Variants in CHST7 observed in about 807,000 individuals in gnomAD.
CHST7 encodes N-acetylglucosamine 6-O-sulfotransferase 4.
Under a neutral mutation model 9.0 loss-of-function variants are expected in CHST7, and 5 were observed. The observed-to-expected ratio is 0.56, with a 90% CI of 0.29 to 1.17. The LOEUF (loss-of-function observed/expected upper bound fraction) is 1.17, where lower values mean the gene tolerates loss of function less well. CHST7 is among the 50% of genes most tolerant of loss of function. CHST7 has a pLI of 0.08. For synonymous variants in CHST7, 244 were observed against 237.1 expected (o/e 1.03, Z -0.27); for missense variants, 377 against 485.1 (o/e 0.78, Z 2.09).
rs768457634 is a variant in CHST7 at position 46,574,014 on chromosome X, T to C, written c.83T>C (p.Val28Ala). The C allele has an allele frequency of 5.1e-5, 59 of 1,158,181 alleles. No individual in the cohort carries two copies. The highest frequency in any genetic ancestry group is 5.3e-5 in the Non-Finnish European group (46 of 874,693). Reference protein sequence around the residue: ...LVLYTLVLLLVPSVLDGGRDG... With the variant: ...LVLYTLVLLLAPSVLDGGRDG... ...CTGTACACGCTGGTGCTGTTGCTCG[T>C]CCCCTCCGTATTGGACGGCGGCCGC... The change falls in exon 1 of 2, where the codon GTC becomes GCC. Residue 28 changes from valine (V) to alanine (A), a missense_variant. Physicochemically the swap from Val to Ala is moderately conservative, Grantham distance 64. Coordinates refer to ENST00000276055, the MANE Select transcript of CHST7 (RefSeq NM_019886.4).
intron 1 of CHST7, among the ~76,000 whole-genome samples, chrX:46,597,530 C>T (rs1265191834): frequency 8.9e-6 from 1 of 112,165 alleles, no homozygotes; most frequent in Non-Finnish European, 1.9e-5. Flanking sequence ...GCCATGCTAA[C>T]AGAGGCGCCC....
intron 1 of CHST7, among the ~76,000 whole-genome samples, chrX:46,579,308 TTTG>T (rs777954104): frequency 1.1e-3 from 128 of 112,481 alleles, no homozygotes; most frequent in Non-Finnish European, 2.0e-3. Context: ...CTTCACATGC[TTTG>T]TTGTCTGTAG....
chrX:46,579,949 G>A (rs1480147084), intron 1 of CHST7, among the ~76,000 whole-genome samples: 2 of 110,882 alleles, frequency 1.8e-5, no homozygotes, highest in Admixed American at 1.9e-4. Flanking sequence ...CTGTGATCAC[G>A]CCACTGCGCT....
In CHST7 at chrX:46,575,395, T is replaced by A. The variant is rs1464772511; in HGVS notation, c.*3T>A. On this transcript the variant is annotated 3_prime_UTR_variant, in exon 1 of 2. Coordinates refer to ENST00000276055, the MANE Select transcript of CHST7 (RefSeq NM_019886.4). ...TGGATGCCGACGGCGCCACGTAGCC[T>A]CCCATCCCTGTCCCCGGCACGGATC... 3 of 1,030,569 alleles carry A rather than the reference T, an allele frequency of 2.9e-6. No individual in the cohort carries two copies. The African/African-American group carries it at 5.9e-5, about 20-fold the overall frequency. The allele number at this position is 1,030,569 out of a possible 1,213,427, so 84.9% of individuals were successfully genotyped here. A position where few individuals can be genotyped will look rare whatever the true frequency, so the allele number is the denominator to read the frequency against.
chrX:46,582,511 C>T (rs1389685178), intron 1 of CHST7, among the ~76,000 whole-genome samples: 1 of 111,896 alleles, frequency 8.9e-6, no homozygotes, highest in Non-Finnish European at 1.9e-5. Flanking sequence ...TACAGTTCAT[C>T]TCTGATGATG....
chrX:46,582,948 GTT>G (rs34049715), intron 1 of CHST7, among the ~76,000 whole-genome samples: 101 of 94,224 alleles, frequency 1.1e-3, no homozygotes, highest in East Asian at 3.3e-3. Flanking sequence ...TTTCTAAGAG[GTT>G]TTTTTTTTTT....
intron 1 of CHST7, among the ~76,000 whole-genome samples, chrX:46,581,091 T>C (rs1942522218): frequency 9.5e-6 from 1 of 105,266 alleles, no homozygotes; most frequent in African/African-American, 3.5e-5. Flanking sequence ...AAAAATTAGC[T>C]GGGCATGGTG....
At chrX:46,577,264 G>A (rs1368873453) in intron 1 of CHST7, among the ~76,000 whole-genome samples, 2 of 109,596 alleles carry the variant, frequency 1.8e-5, no homozygotes, top group African/African-American at 3.3e-5. Flanking sequence ...GACAGTGACT[G>A]TGAGGGAAGA....
chrX:46,595,802 G>T (rs1942591157), intron 1 of CHST7, among the ~76,000 whole-genome samples: 1 of 111,010 alleles, frequency 9.0e-6, no homozygotes, highest in African/African-American at 3.3e-5. Context: ...ATACTTTGTG[G>T]GAGGAATAAG....
At chrX:46,580,410 A>T (rs1942519431) in intron 1 of CHST7, among the ~76,000 whole-genome samples, 1 of 111,422 alleles carries the variant, frequency 9.0e-6, no homozygotes, top group Admixed American at 9.5e-5. Context: ...TCATTCAACA[A>T]AATTATCTTC....
At chrX:46,589,248 G>A (rs943133580) in intron 1 of CHST7, among the ~76,000 whole-genome samples, 8 of 111,214 alleles carry the variant, frequency 7.2e-5, no homozygotes, top group African/African-American at 9.8e-5. Context: ...GTTGGGATCC[G>A]GATTAAGAGT....
intron 1 of CHST7, among the ~76,000 whole-genome samples, chrX:46,589,529 G>A (rs1420409200): frequency 9.4e-6 from 1 of 106,248 alleles, no homozygotes; most frequent in Non-Finnish European, 1.9e-5. Context: ...CAGCCTGGGC[G>A]ACAGAGAGAG....
Position 46,590,331 on chromosome X carries a change from C to T in CHST7, c.*32-7429C>T, listed in dbSNP as rs184487902. 2.0e-3 allele frequency among the ~76,000 whole-genome samples: 215 copies of T among 109,822 alleles called. 1 individual carries two copies. The highest frequency in any genetic ancestry group is 6.9e-3 in the African/African-American group (208 of 30,058). On this transcript the variant is annotated intron_variant, in intron 1 of 1. Transcript: ENST00000276055. ...GTGGCTGATGCCTTTAATCCCAGCA[C>T]TTAGGGAAGTCAAGGCGGGAGGATT...
intron 1 of CHST7, among the ~76,000 whole-genome samples, chrX:46,596,572 C>T (rs1044671331): frequency 8.9e-6 from 1 of 111,789 alleles, no homozygotes; most frequent in Admixed American, 9.6e-5. Flanking sequence ...TCTTTGGTTT[C>T]TCAGCCCCTT....
At chrX:46,585,068 C>T (rs1942542052) in intron 1 of CHST7, among the ~76,000 whole-genome samples, 1 of 110,136 alleles carries the variant, frequency 9.1e-6, no homozygotes, top group East Asian at 2.8e-4. Flanking sequence ...GACCAACTGG[C>T]GACCAGCCAA....
At chrX:46,576,160 T>C (rs1397904145) in intron 1 of CHST7, among the ~76,000 whole-genome samples, 1 of 96,557 alleles carries the variant, frequency 1.0e-5, no homozygotes, top group Non-Finnish European at 2.1e-5. Flanking sequence ...CCCTCTCTCA[T>C]TTCCCCTCTC....
intron 1 of CHST7, among the ~76,000 whole-genome samples, chrX:46,592,844 C>T (rs1472204710): frequency 9.6e-6 from 1 of 104,356 alleles, no homozygotes; most frequent in Non-Finnish European, 2.0e-5. Context: ...GATTTGAGAT[C>T]TTTTTTTCTC....
intron 1 of CHST7, among the ~76,000 whole-genome samples, chrX:46,578,244 G>A (rs1006246006): frequency 2.8e-5 from 3 of 106,076 alleles, no homozygotes; most frequent in Non-Finnish European, 5.8e-5. Context: ...GTAAGGGGTG[G>A]AGGGGTTTTT....
At chrX:46,588,716 A>G (rs1366872590) in intron 1 of CHST7, among the ~76,000 whole-genome samples, 2 of 111,881 alleles carry the variant, frequency 1.8e-5, no homozygotes, top group Non-Finnish European at 3.8e-5. Context: ...CAATCTTTAA[A>G]TAAATAACCA....
Sources: gnomAD v4.1 joint callset for allele counts (sites outside exome capture counted in the v4.1 genomes callset) on GRCh38, gnomAD v4.1.1 for gene constraint, MANE v1.5 for transcripts, NCBI Gene and HGNC (gene_info 2026-07-23, HGNC 2026-07-21) for gene names.